TTC29: variants seen among roughly 807,000 people sequenced by gnomAD.
The protein encoded by TTC29 is tetratricopeptide repeat domain 29, also known as tetratricopeptide repeat protein 29.
A neutral mutation model predicts 58.1 loss-of-function variants in TTC29; 49 were observed. The observed-to-expected ratio is 0.84, with a 90% CI of 0.67 to 1.07. The LOEUF (loss-of-function observed/expected upper bound fraction) is 1.07. Among genes scored for constraint, TTC29 ranks in the 50% least tolerant of loss-of-function variants. TTC29 has a pLI of 0.00. For missense variants in TTC29, 582 were observed against 555.6 expected (o/e 1.05, Z -0.48); for synonymous variants, 209 against 196.8 (o/e 1.06, Z -0.52).
chr4:146,921,596 A>G lies in TTC29; in HGVS notation c.177-12347T>C, dbSNP rs562955385. Reference sequence around the variant, plus strand: ...GAGCATAATAATATCAGATATTATTATAAACAGATCAATTTACTGAAAAAT... The same window carrying G: ...GAGCATAATAATATCAGATATTATTGTAAACAGATCAATTTACTGAAAAAT... On this transcript the variant is annotated intron_variant, in intron 4 of 12. Coordinates refer to ENST00000325106, the MANE Select transcript of TTC29 (RefSeq NM_031956.4). Among the ~76,000 whole-genome samples, 26 of 151,422 alleles carry G rather than the reference A, an allele frequency of 1.7e-4. No homozygotes were observed. In the South Asian group the frequency reaches 5.2e-3, roughly 30 times the overall value.
chr4:146,916,161 GTAGA>G (rs1734207399), intron 4 of TTC29, among the ~76,000 whole-genome samples: 1 of 151,656 alleles, frequency 6.6e-6, no homozygotes, highest in South Asian at 2.1e-4. Flanking sequence ...CTTTTTCGGT[GTAGA>G]TAGATATTAT....
At chr4:146,746,582 A>G (rs1422955659) in intron 11 of TTC29, among the ~76,000 whole-genome samples, 2 of 152,202 alleles carry the variant, frequency 1.3e-5, no homozygotes, top group African/African-American at 2.4e-5. Context: ...TTTTCCAGAT[A>G]ACTTCAGTTT....
chr4:146,714,785 A>G (rs1742804593), intron 11 of TTC29, among the ~76,000 whole-genome samples: 1 of 152,162 alleles, frequency 6.6e-6, no homozygotes, highest in Admixed American at 6.5e-5. Context: ...ATCTATGTAA[A>G]CAAATGAAGA....
At chr4:146,853,641 A>T (rs1729650822) in intron 8 of TTC29, among the ~76,000 whole-genome samples, 1 of 152,156 alleles carries the variant, frequency 6.6e-6, no homozygotes. Flanking sequence ...ATATTTTCAC[A>T]CATTACTAAT....
intron 8 of TTC29, among the ~76,000 whole-genome samples, chr4:146,862,266 T>C (rs1222080935): frequency 6.7e-6 from 1 of 150,308 alleles, no homozygotes; most frequent in Non-Finnish European, 1.5e-5. Flanking sequence ...TATATATATA[T>C]ATACATATAC....
At chr4:146,788,794 C>A (rs1165473646) in intron 11 of TTC29, among the ~76,000 whole-genome samples, 1 of 151,856 alleles carries the variant, frequency 6.6e-6, no homozygotes, top group Non-Finnish European at 1.5e-5. Context: ...ACATTTCAAC[C>A]ATCGAAGGTA....
chr4:146,707,084 T>G lies in TTC29; in HGVS notation c.*74A>C. ...TAACTCTATATTATCTGTAACATGC[T>G]CCTATTACAAGTATTGAAGTCTAAG... On this transcript the variant is annotated 3_prime_UTR_variant, in exon 13 of 13. Coordinates refer to ENST00000325106, the MANE Select transcript of TTC29 (RefSeq NM_031956.4). The G allele has an allele frequency of 2.7e-6, 3 of 1,099,480 alleles. No individual in the cohort carries two copies. Among genetic ancestry groups the G allele is most frequent in the Non-Finnish European group, 3.8e-6 (3 of 780,930 alleles). 68.1% of individuals were successfully genotyped at this position (1,099,480 alleles called of 1,614,324 possible). A position where few individuals can be genotyped will look rare whatever the true frequency, so the allele number is the denominator to read the frequency against.
intron 4 of TTC29, among the ~76,000 whole-genome samples, chr4:146,934,943 G>A (rs1029240334): frequency 2.6e-5 from 4 of 152,088 alleles, no homozygotes; most frequent in Non-Finnish European, 4.4e-5. Flanking sequence ...AAAATGAAAT[G>A]TGAAAATATT....
intron 4 of TTC29, among the ~76,000 whole-genome samples, chr4:146,924,851 A>G (rs1038145191): frequency 1.3e-5 from 2 of 152,016 alleles, no homozygotes; most frequent in East Asian, 3.8e-4. Flanking sequence ...TTTTAATGCT[A>G]TAAATTTCCT....
In TTC29 at chr4:146,857,711, A is replaced by G. The variant is rs543430173; in HGVS notation, c.885+9787T>C. 5.3e-5 allele frequency among the ~76,000 whole-genome samples: 8 copies of G among 152,148 alleles called. No homozygotes were observed. In the East Asian group the frequency reaches 1.5e-3, roughly 29 times the overall value. ...CCATTAAACCAAGGATGGAAGGGTA[A>G]ATTTTAGGTAAGGATTTCTAACTGG... On this transcript the variant is annotated intron_variant, in intron 8 of 12. Transcript: ENST00000325106.
At chr4:146,736,659 T>A (rs921292561) in intron 11 of TTC29, among the ~76,000 whole-genome samples, 1 of 152,148 alleles carries the variant, frequency 6.6e-6, no homozygotes, top group Non-Finnish European at 1.5e-5. Flanking sequence ...TTGATGGACA[T>A]TTAACCTGTT....
At chr4:146,794,188 G>A (rs67864857) in intron 11 of TTC29, among the ~76,000 whole-genome samples, 7,012 of 152,140 alleles carry the variant, frequency 0.046, 233 homozygotes, top group East Asian at 0.14. Context: ...GTGAGTGGAC[G>A]AATGAAGTCA....
intron 8 of TTC29, among the ~76,000 whole-genome samples, chr4:146,859,912 G>A (rs1193915432): frequency 2.0e-5 from 3 of 152,124 alleles, no homozygotes; most frequent in African/African-American, 4.8e-5. Context: ...TTTTAGTTTA[G>A]AATGCTGGAT....
At chr4:146,709,555 C>T (rs1284816787) in intron 11 of TTC29, among the ~76,000 whole-genome samples, 1 of 152,074 alleles carries the variant, frequency 6.6e-6, no homozygotes, top group Non-Finnish European at 1.5e-5. Context: ...TATCTGCCTA[C>T]TCCTCTCCTG....
At chr4:146,832,553 C>T (rs1728234642) in intron 9 of TTC29, among the ~76,000 whole-genome samples, 1 of 152,090 alleles carries the variant, frequency 6.6e-6, no homozygotes, top group Non-Finnish European at 1.5e-5. Context: ...CTCACTGCAA[C>T]CGCCACCTCC....
intron 8 of TTC29, among the ~76,000 whole-genome samples, chr4:146,848,601 G>T (rs113383160): frequency 6.6e-6 from 1 of 152,282 alleles, no homozygotes; most frequent in African/African-American, 2.4e-5. Flanking sequence ...AAAACAAACT[G>T]CTGCTAGCAT....
intron 11 of TTC29, among the ~76,000 whole-genome samples, chr4:146,755,658 T>A (rs1313205779): frequency 1.3e-5 from 2 of 152,084 alleles, no homozygotes; most frequent in East Asian, 3.9e-4. Flanking sequence ...ACATGACAGA[T>A]TTGTTAATTG....
At chr4:146,712,404 G>A (rs921194484) in intron 11 of TTC29, among the ~76,000 whole-genome samples, 3 of 152,140 alleles carry the variant, frequency 2.0e-5, no homozygotes, top group African/African-American at 7.2e-5. Flanking sequence ...TCCCAGGAGT[G>A]ATGATGGATT....
At chr4:146,797,693 T>C (rs1749919732) in intron 11 of TTC29, among the ~76,000 whole-genome samples, 1 of 151,830 alleles carries the variant, frequency 6.6e-6, no homozygotes, top group African/African-American at 2.4e-5. Flanking sequence ...TATCACTGAT[T>C]TCAAGCACTG....
Sources: allele counts gnomAD v4.1 joint callset (sites outside exome capture counted in the v4.1 genomes callset), GRCh38; gene constraint gnomAD v4.1.1; transcripts MANE v1.5; gene names NCBI Gene and HGNC (gene_info 2026-07-23, HGNC 2026-07-21).